Variants in TMEM273 observed in about 807,000 individuals in gnomAD.
The protein encoded by TMEM273 is chromosome 10 open reading frame 128.
TMEM273 carries 19 observed loss-of-function variants against 17.9 expected under a neutral mutation model. That is an observed-to-expected ratio of 1.06 (90% CI 0.74 to 1.55). The LOEUF (loss-of-function observed/expected upper bound fraction) is 1.55, where lower values mean the gene tolerates loss of function less well. TMEM273 is among the 40% of genes most tolerant of loss of function. The pLI is 0.00. For missense variants in TMEM273, 194 were observed against 155.6 expected, an observed-to-expected ratio of 1.25 and a Z score of -1.31; for synonymous variants, 66 against 62.0, an observed-to-expected ratio of 1.07 and a Z score of -0.31.
intron 1 of TMEM273, among the ~76,000 whole-genome samples, chr10:49,173,803 G>A (rs945580442): frequency 7.9e-5 from 12 of 152,322 alleles, no homozygotes; most frequent in Admixed American, 1.3e-4. Flanking sequence ...AAGATCTAGT[G>A]TAAGTACTGA....
At chr10:49,165,058 G>T (rs1247519752) in intron 5 of TMEM273, 147 bp downstream of exon 5, 15 of 1,160,364 alleles carry the variant, frequency 1.3e-5, no homozygotes, top group South Asian at 3.4e-5. Context: ...GACCCTACCC[G>T]CCCGGAGCTT....
chr10:49,158,972 GT>G (rs1845680770), intron 6 of TMEM273, among the ~76,000 whole-genome samples: 1 of 152,102 alleles, frequency 6.6e-6, no homozygotes, highest in Non-Finnish European at 1.5e-5. Flanking sequence ...ATATAAAAGT[GT>G]TTTTAATTAA....
chr10:49,183,147 G>A (rs1847452216), intron 1 of TMEM273, among the ~76,000 whole-genome samples: 1 of 152,130 alleles, frequency 6.6e-6, no homozygotes, highest in Admixed American at 6.5e-5. Context: ...ACAAAACCAA[G>A]GCTATAGAGG....
intron 1 of TMEM273, among the ~76,000 whole-genome samples, chr10:49,183,637 G>T (rs1386689608): frequency 6.6e-6 from 1 of 152,172 alleles, no homozygotes; most frequent in South Asian, 2.1e-4. Flanking sequence ...AAATGCCTCA[G>T]TTTGAATCCC....
At chr10:49,165,914 C>T in intron 3 of TMEM273, 118 bp from the exon 4 acceptor site, 1 of 1,319,248 alleles carries the variant, frequency 7.6e-7, no homozygotes. Flanking sequence ...CCTCGAGAGA[C>T]CCGGGGCCTG....
intron 5 of TMEM273, 27 bp from the exon 6 acceptor site, chr10:49,161,649 A>T: frequency 6.2e-7 from 1 of 1,614,240 alleles, no homozygotes; most frequent in Non-Finnish European, 8.5e-7. Flanking sequence ...AAGGGTGTTC[A>T]TTGCCTAAGC....
chr10:49,176,332 A>T (rs1320691490), intron 1 of TMEM273, among the ~76,000 whole-genome samples: 1 of 152,216 alleles, frequency 6.6e-6, no homozygotes, highest in African/African-American at 2.4e-5. Context: ...GCAAGGGCAC[A>T]AGCCTCTGCT....
chr10:49,173,765 T>C (rs1430474166), intron 1 of TMEM273, among the ~76,000 whole-genome samples: 1 of 152,096 alleles, frequency 6.6e-6, no homozygotes, highest in Non-Finnish European at 1.5e-5. Context: ...CTGAACTGAG[T>C]GTTAAACCAG....
chr10:49,163,489 C>T (rs982466227), intron 5 of TMEM273, among the ~76,000 whole-genome samples: 14 of 152,176 alleles, frequency 9.2e-5, no homozygotes, highest in African/African-American at 3.1e-4. Flanking sequence ...GGACACTTCA[C>T]AGGCCCACTC....
At chr10:49,160,619 C>CTG (rs1179911762) in intron 6 of TMEM273, 1 of 151,992 alleles carries the variant, frequency 6.6e-6, no homozygotes, top group African/African-American at 2.4e-5. Flanking sequence ...TAAATATGGA[C>CTG]TGTATAATAG....
chr10:49,180,413 C>T (rs939559619), intron 1 of TMEM273, among the ~76,000 whole-genome samples: 6 of 152,212 alleles, frequency 3.9e-5, no homozygotes, highest in African/African-American at 1.4e-4. Context: ...CCCCACCCCA[C>T]AGTAACACAG....
chr10:49,188,280 C>T lies in TMEM273; in HGVS notation c.43+14G>A, dbSNP rs1335943816. The T allele has an allele frequency of 3.1e-6, 5 of 1,613,986 alleles. No homozygotes were observed. The highest frequency in any genetic ancestry group is 4.2e-6 in the Non-Finnish European group (5 of 1,179,974). Reference sequence around the variant, plus strand: ...GGCTCCCCCGGGCCAGAGACCCCCGCAGTCCCCACTTACCCAGGAGGAAGA... The same window carrying T: ...GGCTCCCCCGGGCCAGAGACCCCCGTAGTCCCCACTTACCCAGGAGGAAGA... On this transcript the variant is annotated intron_variant, in intron 1 of 6. Coordinates refer to ENST00000374153, the MANE Select transcript of TMEM273 (RefSeq NM_001288740.3).
intron 1 of TMEM273, among the ~76,000 whole-genome samples, chr10:49,187,713 TTA>T (rs1847812827): frequency 6.6e-6 from 1 of 152,222 alleles, no homozygotes; most frequent in Non-Finnish European, 1.5e-5. Context: ...CTACTTTGTT[TTA>T]GTCTTTGCCT....
intron 6 of TMEM273, among the ~76,000 whole-genome samples, chr10:49,157,225 A>G (rs2132075919): frequency 6.6e-6 from 1 of 152,222 alleles, no homozygotes; most frequent in East Asian, 1.9e-4. Context: ...GAGCTACCTT[A>G]TGGATGAAGT....
intron 1 of TMEM273, among the ~76,000 whole-genome samples, chr10:49,174,511 AC>A (rs1185769668): frequency 1.3e-5 from 2 of 152,110 alleles, no homozygotes; most frequent in Non-Finnish European, 1.5e-5. Context: ...AAACCCCGGA[AC>A]CACCTGAGAT....
intron 1 of TMEM273, 121 bp from the exon 2 acceptor site, chr10:49,168,083 C>T: frequency 8.3e-7 from 1 of 1,207,886 alleles, no homozygotes; most frequent in Non-Finnish European, 1.2e-6. Flanking sequence ...GAGGTGGGCT[C>T]CCAATTGCCA....
intron 3 of TMEM273, among the ~76,000 whole-genome samples, 178 bp from the exon 4 acceptor site, chr10:49,165,974 ACAAGGATAAGCAAACT>A (rs959144771): frequency 1.3e-5 from 2 of 152,186 alleles, no homozygotes; most frequent in East Asian, 1.9e-4. Context: ...GTGGGGATAC[ACAAGGATAAGCAAACT>A]CAAGGATAAG....
intron 6 of TMEM273, among the ~76,000 whole-genome samples, chr10:49,157,432 T>C (rs1338945048): frequency 6.6e-6 from 1 of 152,242 alleles, no homozygotes; most frequent in East Asian, 1.9e-4. Flanking sequence ...TTGCATACCA[T>C]GTGATTTAGT....
At chr10:49,171,395 G>A (rs1325411985) in intron 1 of TMEM273, among the ~76,000 whole-genome samples, 3 of 152,258 alleles carry the variant, frequency 2.0e-5, no homozygotes, top group African/African-American at 7.2e-5. Flanking sequence ...GACTTGCTGA[G>A]ATGCGGGGGC....
Sources: gnomAD v4.1 joint callset for allele counts (sites outside exome capture counted in the v4.1 genomes callset) on GRCh38, gnomAD v4.1.1 for gene constraint, MANE v1.5 for transcripts, NCBI Gene and HGNC (gene_info 2026-07-23, HGNC 2026-07-21) for gene names.